MPPED1: variants seen among roughly 807,000 people sequenced by gnomAD.
The protein encoded by MPPED1 is metallophosphoesterase domain containing 1, also known as metallophosphoesterase domain-containing protein 1.
In MPPED1, 16 loss-of-function variants were observed where a neutral mutation model predicts 36.2. The ratio of observed to expected loss-of-function variants is 0.44; its 90% CI spans 0.30 to 0.67. MPPED1 has a LOEUF of 0.67. Among genes scored for constraint, MPPED1 ranks in the 30% least tolerant of loss-of-function variants. MPPED1 has a pLI of 0.10. For synonymous variants in MPPED1, 199 were observed against 191.3 expected, an observed-to-expected ratio of 1.04 and a Z score of -0.33; for missense variants, 307 against 453.4, an observed-to-expected ratio of 0.68 and a Z score of 2.93.
chr22:43,417,971 C>A, intron 1 of MPPED1: 1 of 445,080 alleles, frequency 2.2e-6, no homozygotes, highest in Non-Finnish European at 4.5e-6. Flanking sequence ...GGAGATGTTT[C>A]TCTGGAAGCT....
chr22:43,464,018 C>T (rs1437285086), intron 3 of MPPED1, among the ~76,000 whole-genome samples: 1 of 151,926 alleles, frequency 6.6e-6, no homozygotes, highest in Non-Finnish European at 1.5e-5. Context: ...AAGTGATTCT[C>T]CTGCCTCAGT....
At chr22:43,419,917 A>G (rs1929206118) in intron 1 of MPPED1, among the ~76,000 whole-genome samples, 1 of 152,160 alleles carries the variant, frequency 6.6e-6, no homozygotes, top group African/African-American at 2.4e-5. Flanking sequence ...CCCAAGGAAC[A>G]ACAAATAAAT....
chr22:43,424,503 C>T (rs1027278558), intron 1 of MPPED1, among the ~76,000 whole-genome samples: 4 of 151,986 alleles, frequency 2.6e-5, no homozygotes, highest in Non-Finnish European at 5.9e-5. Context: ...TCCTGTTCCC[C>T]AATTCTGAAA....
chr22:43,489,587 C>T (rs974203932), intron 4 of MPPED1, among the ~76,000 whole-genome samples: 2 of 151,894 alleles, frequency 1.3e-5, no homozygotes, highest in Non-Finnish European at 2.9e-5. Context: ...GGCATGATCT[C>T]AGCTCACTGC....
intron 1 of MPPED1, chr22:43,418,272 G>C (rs554809105): frequency 4.7e-5 from 19 of 403,558 alleles, no homozygotes; most frequent in Non-Finnish European, 9.0e-5. Context: ...CTGGGCCTGC[G>C]CTGAGTTTGA....
At chr22:43,503,829 C>T (rs74420995) in intron 6 of MPPED1, among the ~76,000 whole-genome samples, 1,710 of 152,312 alleles carry the variant, frequency 0.011, 22 homozygotes, top group African/African-American at 0.038. Flanking sequence ...ACCACACCCC[C>T]ACACAATTGG....
At chr22:43,441,228 G>T (rs1930137681) in intron 3 of MPPED1, among the ~76,000 whole-genome samples, 1 of 152,150 alleles carries the variant, frequency 6.6e-6, no homozygotes. Flanking sequence ...CTTCACTATG[G>T]CATTTGGGAC....
At chr22:43,476,010 TG>T (rs1931564978) in intron 4 of MPPED1, among the ~76,000 whole-genome samples, 3 of 151,658 alleles carry the variant, frequency 2.0e-5, no homozygotes, top group African/African-American at 7.3e-5. Flanking sequence ...ATGATGGTGG[TG>T]GTGGTGGTGT....
chr22:43,495,473 G>A (rs1932249113), intron 4 of MPPED1, among the ~76,000 whole-genome samples: 1 of 68,762 alleles, frequency 1.5e-5, no homozygotes, highest in Non-Finnish European at 2.8e-5. Flanking sequence ...GCTGGTGATG[G>A]TGGAGGTGGT....
At chr22:43,444,820 G>A (rs191443504) in intron 3 of MPPED1, among the ~76,000 whole-genome samples, 1 of 152,196 alleles carries the variant, frequency 6.6e-6, no homozygotes, top group African/African-American at 2.4e-5. Flanking sequence ...TGTGTAGTTT[G>A]TTATTCATTT....
In MPPED1 at chr22:43,498,241, C is replaced by G. The variant is rs145454538; in HGVS notation, c.639C>G (p.Pro213=). The change falls in exon 5 of 7, where the codon CCC becomes CCG. Residue 213 remains proline, a synonymous_variant. Coordinates refer to ENST00000443721, the MANE Select transcript of MPPED1 (RefSeq NM_001044370.2). The stretch of plus-strand genomic sequence containing the variant: ...ACCTGCACTTCTTCTACAGGCAGCC[C>G]TGGTTCTACGGCTGGGGCTTCAACC... The part of the protein sequence containing the change: ...GFRIYGSPWQ[P]WFYGWGFNLP... The G allele has an allele frequency of 6.5e-7, 1 of 1,534,828 alleles. No homozygotes were observed. The highest frequency in any genetic ancestry group is 1.4e-5 in the African/African-American group (1 of 73,086).
intron 3 of MPPED1, among the ~76,000 whole-genome samples, chr22:43,465,963 G>A (rs1021574716): frequency 2.6e-5 from 4 of 152,186 alleles, no homozygotes; most frequent in Non-Finnish European, 5.9e-5. Flanking sequence ...GACTTCTGAG[G>A]AGGTTCCCAC....
At chr22:43,481,169 G>T (rs1931736993) in intron 4 of MPPED1, among the ~76,000 whole-genome samples, 1 of 152,170 alleles carries the variant, frequency 6.6e-6, no homozygotes, top group African/African-American at 2.4e-5. Flanking sequence ...TGCCTCTTAT[G>T]TTCAGGTGTT....
At chr22:43,432,483 G>GA (rs1929743237) in intron 2 of MPPED1, among the ~76,000 whole-genome samples, 1 of 106,030 alleles carries the variant, frequency 9.4e-6, no homozygotes, top group African/African-American at 3.6e-5. Flanking sequence ...GAGAAAGGGA[G>GA]GAGAGAAAGG....
At chr22:43,476,420 A>G (rs1001775972) in intron 4 of MPPED1, among the ~76,000 whole-genome samples, 1 of 152,130 alleles carries the variant, frequency 6.6e-6, no homozygotes, top group Non-Finnish European at 1.5e-5. Flanking sequence ...CTGAGGCTGC[A>G]CTATCAGGAA....
chr22:43,483,106 G>T (rs1275604796), intron 4 of MPPED1, among the ~76,000 whole-genome samples: 1 of 152,214 alleles, frequency 6.6e-6, no homozygotes, highest in East Asian at 1.9e-4. Context: ...GAACAAGCTG[G>T]GCCTGCATGG....
Position 43,423,865 on chromosome 22 carries a change from A to G in MPPED1, c.-78-1043A>G, listed in dbSNP as rs189790162. On this transcript the variant is annotated intron_variant, in intron 1 of 6. Transcript: ENST00000443721. ...GTCTTAATGACCCAAACTGAAAACA[A>G]CGACAAAAAGTCTTCAAGGCATTTC... Among the ~76,000 whole-genome samples the G allele has an allele frequency of 4.1e-3, 623 of 152,352 alleles. 2 individuals are homozygous for G. Among genetic ancestry groups the G allele is most frequent in the Middle Eastern group, 0.02 (6 of 294 alleles).
chr22:43,485,286 G>A (rs1244166503), intron 4 of MPPED1, among the ~76,000 whole-genome samples: 1 of 150,856 alleles, frequency 6.6e-6, no homozygotes. Context: ...TCAAACACAT[G>A]CATTCACACA....
chr22:43,435,042 C>G lies in MPPED1; in HGVS notation c.233C>G (p.Pro78Arg). ...FQPPHVQMVD[P>R]VPHDAPKPPG... ...GTCATCTCTCCCTGCAGGGTGGACCCGGTGCCTCACGATGCCCCCAAACCT... is the reference window on the plus strand; with the variant it reads ...GTCATCTCTCCCTGCAGGGTGGACCGGGTGCCTCACGATGCCCCCAAACCT... Residue 78 changes from proline to arginine, a missense_variant, in exon 3 of 7, where the codon CCG becomes CGG. By Grantham distance (103) the Pro-to-Arg change is moderately radical. Coordinates refer to ENST00000443721, the MANE Select transcript of MPPED1 (RefSeq NM_001044370.2). 6.2e-7 allele frequency: 1 copy of G among 1,613,534 alleles called. No homozygotes were observed. The highest frequency in any genetic ancestry group is 8.5e-7 in the Non-Finnish European group (1 of 1,179,796).
Sources: gnomAD v4.1 joint callset for allele counts (sites outside exome capture counted in the v4.1 genomes callset) on GRCh38, gnomAD v4.1.1 for gene constraint, MANE v1.5 for transcripts, NCBI Gene and HGNC (gene_info 2026-07-23, HGNC 2026-07-21) for gene names.